DLG2: variants seen among roughly 807,000 people sequenced by gnomAD.
DLG2 encodes the protein disks large homolog 2.
A neutral mutation model predicts 132.5 loss-of-function variants in DLG2; 45 were observed. The observed-to-expected ratio is 0.34, with a 90% CI of 0.27 to 0.44. DLG2 has a LOEUF of 0.44. Among genes scored for constraint, DLG2 ranks in the 20% least tolerant of loss-of-function variants. The pLI, the probability that DLG2 is intolerant of heterozygous loss-of-function variation, is 1.00. For synonymous variants in DLG2, 424 were observed against 419.6 expected (o/e 1.01, Z -0.13); for missense variants, 1,045 against 1,196.9 (o/e 0.87, Z 1.87).
chr11:84,621,894 C>T (rs1445759351), intron 6 of DLG2, among the ~76,000 whole-genome samples: 1 of 152,190 alleles, frequency 6.6e-6, no homozygotes, highest in Non-Finnish European at 1.5e-5. Flanking sequence ...GCACATTGGG[C>T]TGGAAAACAA....
At chr11:83,857,957 A>G (rs2060819757) in intron 16 of DLG2, among the ~76,000 whole-genome samples, 1 of 152,226 alleles carries the variant, frequency 6.6e-6, no homozygotes, top group Non-Finnish European at 1.5e-5. Context: ...ATGATCAATG[A>G]ATCATTATGG....
At chr11:84,591,737 C>T (rs774486764) in intron 6 of DLG2, among the ~76,000 whole-genome samples, 22 of 152,108 alleles carry the variant, frequency 1.4e-4, no homozygotes, top group Admixed American at 7.9e-4. Flanking sequence ...TGATTCCCAA[C>T]TTTGCTACAC....
At chr11:85,409,159 T>C (rs916098893) in intron 3 of DLG2, among the ~76,000 whole-genome samples, 1 of 151,952 alleles carries the variant, frequency 6.6e-6, no homozygotes, top group African/African-American at 2.4e-5. Flanking sequence ...TCTCACCACC[T>C]TGAATATAGA....
chr11:83,910,916 T>C (rs1754303640), intron 15 of DLG2, among the ~76,000 whole-genome samples: 1 of 152,090 alleles, frequency 6.6e-6, no homozygotes, highest in Admixed American at 6.6e-5. Context: ...ATCAAGGGCC[T>C]CTATATTCAA....
intron 11 of DLG2, among the ~76,000 whole-genome samples, chr11:84,038,535 G>T (rs557513663): frequency 6.6e-6 from 1 of 151,946 alleles, no homozygotes; most frequent in African/African-American, 2.4e-5. Context: ...TGTAATATAT[G>T]TACATGGTAG....
intron 6 of DLG2, among the ~76,000 whole-genome samples, chr11:85,032,556 A>G (rs934033277): frequency 2.6e-5 from 4 of 152,158 alleles, no homozygotes; most frequent in African/African-American, 4.8e-5. Context: ...TTGTAATTTG[A>G]TAAGTGAAAG....
At chr11:84,515,980 C>CT (rs2099271512) in intron 7 of DLG2, among the ~76,000 whole-genome samples, 1 of 2,468 alleles carries the variant, frequency 4.1e-4, no homozygotes, top group African/African-American at 5.1e-3. Flanking sequence ...CAAACGTGTT[C>CT]TTGAACAATG....
In DLG2 at chr11:85,150,647, G is replaced by T. The variant is rs192192584; in HGVS notation, c.282+3909C>A. Among the ~76,000 whole-genome samples, 323 of 150,822 alleles carry T rather than the reference G, an allele frequency of 2.1e-3. 1 individual carries two copies. Among genetic ancestry groups the T allele is most frequent in the Non-Finnish European group, 2.1e-3 (140 of 67,816 alleles). On this transcript the variant is annotated intron_variant, in intron 5 of 27. Coordinates refer to ENST00000376104, the MANE Select transcript of DLG2 (RefSeq NM_001142699.3). The stretch of plus-strand genomic sequence containing the variant: ...TTTTGCTTAGCATAATGCCCTCAAG[G>T]TCCATTCATGTTAGCATATGATAGG...
intron 7 of DLG2, among the ~76,000 whole-genome samples, chr11:84,342,494 C>G (rs2098519787): frequency 6.6e-6 from 1 of 151,998 alleles, no homozygotes; most frequent in South Asian, 2.1e-4. Flanking sequence ...ACAGTAAATA[C>G]CAAATAAACT....
intron 3 of DLG2, among the ~76,000 whole-genome samples, chr11:85,483,048 C>G (rs961108988): frequency 6.6e-6 from 1 of 152,104 alleles, no homozygotes; most frequent in Non-Finnish European, 1.5e-5. Context: ...GAAAACTTTT[C>G]AAATTTGGAG....
chr11:84,975,998 T>C (rs141969544), intron 6 of DLG2, among the ~76,000 whole-genome samples: 3 of 152,312 alleles, frequency 2.0e-5, no homozygotes, highest in Non-Finnish European at 4.4e-5. Flanking sequence ...CTCTTTCTTA[T>C]TCTTCAAGAG....
chr11:84,865,939 G>C (rs996627209), intron 6 of DLG2, among the ~76,000 whole-genome samples: 3 of 152,206 alleles, frequency 2.0e-5, no homozygotes, highest in African/African-American at 7.2e-5. Flanking sequence ...CCCCTAAGGA[G>C]CAACCTTAGA....
intron 14 of DLG2, among the ~76,000 whole-genome samples, chr11:83,958,225 T>C (rs2087437125): frequency 6.6e-6 from 1 of 152,220 alleles, no homozygotes; most frequent in Non-Finnish European, 1.5e-5. Flanking sequence ...GCTAGTGTTC[T>C]ATAATTCGGA....
intron 9 of DLG2, among the ~76,000 whole-genome samples, chr11:84,107,013 T>TGTGTGTGAGAGAGAGA (rs1555348732): frequency 1.3e-4 from 17 of 126,106 alleles, no homozygotes; most frequent in Admixed American, 3.3e-4. Flanking sequence ...TGTGTGTGTG[T>TGTGTGTGAGAGAGAGA]GAGAGAGTTT....
At chr11:84,614,584 G>C (rs1179763788) in intron 6 of DLG2, among the ~76,000 whole-genome samples, 1 of 152,202 alleles carries the variant, frequency 6.6e-6, no homozygotes, top group South Asian at 2.1e-4. Flanking sequence ...AAAGTGAACT[G>C]TAGTCAGGGA....
At chr11:84,997,257 T>C (rs2057743733) in intron 6 of DLG2, 1 of 152,546 alleles carries the variant, frequency 6.6e-6, no homozygotes, top group African/African-American at 2.4e-5. Flanking sequence ...TTTTTCTTTT[T>C]ACATCTGGCT....
intron 8 of DLG2, among the ~76,000 whole-genome samples, chr11:84,249,748 C>T (rs2097347649): frequency 6.6e-6 from 1 of 152,214 alleles, no homozygotes; most frequent in Non-Finnish European, 1.5e-5. Context: ...GAGCCCTTTA[C>T]TTTCCAGTGT....
At chr11:84,756,818 C>G (rs1017382618) in intron 6 of DLG2, among the ~76,000 whole-genome samples, 1 of 151,838 alleles carries the variant, frequency 6.6e-6, no homozygotes, top group African/African-American at 2.4e-5. Context: ...ATGTGTGGCC[C>G]AAGACATTTC....
intron 7 of DLG2, among the ~76,000 whole-genome samples, chr11:84,341,155 G>C (rs1461023976): frequency 6.6e-6 from 1 of 152,038 alleles, no homozygotes; most frequent in African/African-American, 2.4e-5. Context: ...TTACTTCTCT[G>C]AGTTTCAATT....
Sources: allele counts gnomAD v4.1 joint callset (sites outside exome capture counted in the v4.1 genomes callset), GRCh38; gene constraint gnomAD v4.1.1; transcripts MANE v1.5; gene names NCBI Gene and HGNC (gene_info 2026-07-23, HGNC 2026-07-21).